The following SMIM13 variants were observed in gnomAD, a reference collection of about 807,000 sequenced individuals.
The protein encoded by SMIM13 is small integral membrane protein 13.
A neutral mutation model predicts 5.9 loss-of-function variants in SMIM13; 3 were observed. The ratio of observed to expected loss-of-function variants is 0.51; its 90% CI spans 0.23 to 1.31. The LOEUF is 1.31. SMIM13 is among the 40% of genes most tolerant of loss of function. The pLI, the probability that SMIM13 is intolerant of heterozygous loss-of-function variation, is 0.18. For missense variants in SMIM13, 85 were observed against 109.9 expected, an observed-to-expected ratio of 0.77 and a Z score of 1.01; for synonymous variants, 55 against 46.0, an observed-to-expected ratio of 1.19 and a Z score of -0.79.
At chr6:11,102,774 T>C (rs1293192319) in intron 1 of SMIM13, 3 of 152,190 alleles carry the variant, frequency 2.0e-5, no homozygotes, top group Non-Finnish European at 4.4e-5. Context: ...GCAAATCCAA[T>C]GGGTCTGCAG....
chr6:11,104,947 T>C (rs1758061326), intron 1 of SMIM13: 1 of 1,614,118 alleles, frequency 6.2e-7, no homozygotes. Context: ...ATAGGGGCTA[T>C]TCCCATTAGG....
At chr6:11,105,274 A>C in intron 1 of SMIM13, 1 of 1,613,996 alleles carries the variant, frequency 6.2e-7, no homozygotes, top group South Asian at 1.1e-5. Flanking sequence ...GCTGCTAGTG[A>C]AGGCGTGAGA....
Position 11,112,642 on chromosome 6 carries a change from A to G in SMIM13, c.76+18253A>G, listed in dbSNP as rs561195755. ...TTGTGTTTGACTTCTTTCTGCTAGC[A>G]TAATGCTTTTGAAATCTATTTGTGT... On this transcript the variant is annotated intron_variant, in intron 1 of 1. Transcript: ENST00000416247. Among the ~76,000 whole-genome samples, 14 of 152,348 alleles carry G rather than the reference A, an allele frequency of 9.2e-5. No individual in the cohort carries two copies. The South Asian group carries it at 2.9e-3, about 32-fold the overall frequency.
At chr6:11,109,440 A>G (rs1230855982) in intron 1 of SMIM13, among the ~76,000 whole-genome samples, 1 of 152,130 alleles carries the variant, frequency 6.6e-6, no homozygotes, top group East Asian at 1.9e-4. Flanking sequence ...AGACTTCGAT[A>G]TAATTGGGTA....
chr6:11,104,017 A>G (rs189347647), intron 1 of SMIM13: 4 of 1,551,590 alleles, frequency 2.6e-6, no homozygotes, highest in African/African-American at 2.7e-5. Context: ...TCTAAGGCCA[A>G]ACAAATTCCT....
intron 1 of SMIM13, among the ~76,000 whole-genome samples, chr6:11,123,375 C>CT (rs1228527244): frequency 6.6e-6 from 1 of 152,194 alleles, no homozygotes; most frequent in Non-Finnish European, 1.5e-5. Context: ...GTAAATTCCC[C>CT]TTTTTTTGTT....
intron 1 of SMIM13, among the ~76,000 whole-genome samples, chr6:11,128,500 T>G (rs1351499637): frequency 6.6e-6 from 1 of 152,166 alleles, no homozygotes; most frequent in Non-Finnish European, 1.5e-5. Context: ...GGAGGGGTAA[T>G]GCAAGCATTC....
intron 1 of SMIM13, among the ~76,000 whole-genome samples, chr6:11,107,582 T>C (rs1240263924): frequency 1.3e-5 from 2 of 152,028 alleles, no homozygotes; most frequent in East Asian, 3.9e-4. Flanking sequence ...CAAATGCAAA[T>C]AGAAATTGGG....
intron 1 of SMIM13, among the ~76,000 whole-genome samples, chr6:11,126,123 C>T (rs555524787): frequency 3.9e-5 from 6 of 152,188 alleles, no homozygotes; most frequent in Non-Finnish European, 8.8e-5. Flanking sequence ...CATCTCGGCT[C>T]ACCACAACCT....
At chr6:11,114,074 G>A (rs1294399758) in intron 1 of SMIM13, among the ~76,000 whole-genome samples, 1 of 151,504 alleles carries the variant, frequency 6.6e-6, no homozygotes, top group Non-Finnish European at 1.5e-5. Flanking sequence ...CTGCCCCCAG[G>A]ATTCAAGCGA....
At chr6:11,097,108 G>A (rs1757935654) in intron 1 of SMIM13, among the ~76,000 whole-genome samples, 1 of 152,174 alleles carries the variant, frequency 6.6e-6, no homozygotes, top group Admixed American at 6.5e-5. Context: ...AAAGTGCTGG[G>A]ATTACAGGCA....
chr6:11,133,651 C>A lies in SMIM13; in HGVS notation c.77-752C>A, dbSNP rs145117481. On this transcript the variant is annotated intron_variant, in intron 1 of 1. Coordinates refer to ENST00000416247, the MANE Select transcript of SMIM13 (RefSeq NM_001135575.2). ...AACCAAGCATAGGTTCAGAGGTTTT[C>A]TCCTGTGTGTTCCTTTATTGATTAA... 2.3e-3 allele frequency among the ~76,000 whole-genome samples: 351 copies of A among 152,024 alleles called. 3 individuals carry two copies. The highest frequency in any genetic ancestry group is 8.1e-3 in the African/African-American group (335 of 41,492).
At chr6:11,122,413 C>T (rs944684153) in intron 1 of SMIM13, among the ~76,000 whole-genome samples, 3 of 152,206 alleles carry the variant, frequency 2.0e-5, no homozygotes, top group Non-Finnish European at 4.4e-5. Flanking sequence ...CCTCTTGTGA[C>T]CCTACCTTGC....
chr6:11,105,417 A>AT (rs1456385398), intron 1 of SMIM13: 35 of 784,200 alleles, frequency 4.5e-5, no homozygotes, highest in Non-Finnish European at 6.7e-5. Context: ...TGCCAGTAAA[A>AT]TTTCTAGTAT....
chr6:11,099,416 A>G (rs901407964), intron 1 of SMIM13, among the ~76,000 whole-genome samples: 2 of 151,692 alleles, frequency 1.3e-5, no homozygotes, highest in Non-Finnish European at 1.5e-5. Context: ...CTCGTGATCC[A>G]CCCGCCTCAG....
chr6:11,104,594 C>T (rs1377776444), intron 1 of SMIM13: 1 of 1,613,706 alleles, frequency 6.2e-7, no homozygotes, highest in African/African-American at 1.3e-5. Context: ...TTTTATTTTC[C>T]CAAAAAAGAG....
chr6:11,104,873 A>G (rs781681644), intron 1 of SMIM13: 2 of 1,614,232 alleles, frequency 1.2e-6, no homozygotes, highest in Non-Finnish European at 8.5e-7. Flanking sequence ...TGAAAGTAAC[A>G]TTACAGACTG....
chr6:11,099,386 G>A (rs2113637793), intron 1 of SMIM13, among the ~76,000 whole-genome samples: 1 of 152,232 alleles, frequency 6.6e-6, no homozygotes, highest in Admixed American at 6.5e-5. Context: ...TGTTGGCCAG[G>A]ATGGTCTCAA....
At position 11,114,991 on chromosome 6, in the gene SMIM13, T is replaced by G. The variant is rs1402807480; in HGVS notation, c.77-19412T>G. On this transcript the variant is annotated intron_variant, in intron 1 of 1. Coordinates refer to ENST00000416247, the MANE Select transcript of SMIM13 (RefSeq NM_001135575.2). ...CATTCCTCAGATAAACCTGTTTTGG[T>G]CATGACATGTTATCCATTTTCTATA... Among the ~76,000 whole-genome samples the G allele has an allele frequency of 3.3e-5, 5 of 152,306 alleles. No homozygotes were observed. The East Asian group carries it at 9.6e-4, about 29-fold the overall frequency.
Sources: gnomAD v4.1 joint callset for allele counts (sites outside exome capture counted in the v4.1 genomes callset) on GRCh38, gnomAD v4.1.1 for gene constraint, MANE v1.5 for transcripts, NCBI Gene and HGNC (gene_info 2026-07-23, HGNC 2026-07-21) for gene names.